Variants in CLCN3 observed in about 807,000 individuals in gnomAD.
The protein encoded by CLCN3 is Cl-/H+ antiporter 3.
In CLCN3, 16 loss-of-function variants were observed where a neutral mutation model predicts 83.4. That is an observed-to-expected ratio of 0.19 (90% CI 0.13 to 0.29). CLCN3 has a LOEUF of 0.29. Ranked by LOEUF, CLCN3 falls within the 10% of genes least tolerant of loss-of-function variation. The pLI is 1.00. For synonymous variants in CLCN3, 322 were observed against 346.2 expected, an observed-to-expected ratio of 0.93 and a Z score of 0.78; for missense variants, 544 against 1,006.0, an observed-to-expected ratio of 0.54 and a Z score of 6.21.
intron 1 of CLCN3, among the ~76,000 whole-genome samples, chr4:169,631,282 CT>C (rs1467952137): frequency 1.3e-5 from 2 of 151,776 alleles, no homozygotes; most frequent in African/African-American, 4.9e-5. Flanking sequence ...TCCTTGCCTA[CT>C]TTTTTTGTTT....
chr4:169,715,687 A>G (rs1474600547), intron 12 of CLCN3, among the ~76,000 whole-genome samples: 1 of 152,164 alleles, frequency 6.6e-6, no homozygotes, highest in African/African-American at 2.4e-5. Context: ...AGAATAGATG[A>G]AAGGGAAAGA....
chr4:169,708,009 T>A (rs1412694490), intron 11 of CLCN3, among the ~76,000 whole-genome samples: 2 of 152,174 alleles, frequency 1.3e-5, no homozygotes, highest in Non-Finnish European at 1.5e-5. Context: ...GACACAATCT[T>A]ATATCTCTTC....
chr4:169,671,652 A>G (rs1382684069), intron 2 of CLCN3, among the ~76,000 whole-genome samples: 1 of 152,202 alleles, frequency 6.6e-6, no homozygotes, highest in African/African-American at 2.4e-5. Flanking sequence ...TCAGAAGCCT[A>G]CATTTGAAAC....
At chr4:169,677,305 T>A (rs1269661064) in intron 2 of CLCN3, among the ~76,000 whole-genome samples, 2 of 152,170 alleles carry the variant, frequency 1.3e-5, no homozygotes, top group African/African-American at 4.8e-5. Flanking sequence ...ATTGGCAAAC[T>A]ATGAGCCATG....
intron 2 of CLCN3, among the ~76,000 whole-genome samples, chr4:169,653,162 A>C (rs1275932455): frequency 6.6e-6 from 1 of 152,110 alleles, no homozygotes; most frequent in Non-Finnish European, 1.5e-5. Flanking sequence ...TGATGTTATG[A>C]AGACATTTTT....
At position 169,722,264 on chromosome 4, in the gene CLCN3, G is replaced by A. The variant is rs1581304398; in HGVS notation, c.*2267G>A. 1 of 152,324 alleles carries A rather than the reference G, an allele frequency of 6.6e-6. No individual in the cohort carries two copies. The highest frequency in any genetic ancestry group is 2.4e-5 in the African/African-American group (1 of 41,580). 9.4% of individuals were successfully genotyped at this position (152,324 alleles called of 1,614,324 possible). A position where few individuals can be genotyped will look rare whatever the true frequency, so the allele number is the denominator to read the frequency against. ...TAAGATCATGAAGCCATATAAGAAT[G>A]AGGATTGAAAGTTGAGCAAAATTTT... On this transcript the variant is annotated 3_prime_UTR_variant, in exon 13 of 13. Coordinates refer to ENST00000513761, the MANE Select transcript of CLCN3 (RefSeq NM_001829.4).
intron 2 of CLCN3, among the ~76,000 whole-genome samples, chr4:169,647,883 G>A (rs1385274474): frequency 6.6e-6 from 1 of 152,156 alleles, no homozygotes; most frequent in Non-Finnish European, 1.5e-5. Flanking sequence ...TAGCCAAATA[G>A]TGAACATTAA....
chr4:169,689,285 C>T, intron 5 of CLCN3, 55 bp downstream of exon 5: 1 of 1,455,750 alleles, frequency 6.9e-7, no homozygotes, highest in Non-Finnish European at 9.5e-7. Flanking sequence ...AAAATGTTTC[C>T]AATTCATTTA....
chr4:169,686,335 AAAAG>A (rs1732156761), intron 3 of CLCN3, among the ~76,000 whole-genome samples: 1 of 152,088 alleles, frequency 6.6e-6, no homozygotes, highest in African/African-American at 2.4e-5. Context: ...TAAAAAAAAA[AAAAG>A]AAATAGACTG....
intron 9 of CLCN3, among the ~76,000 whole-genome samples, chr4:169,701,081 C>G (rs1732768025): frequency 6.6e-6 from 1 of 152,200 alleles, no homozygotes; most frequent in Non-Finnish European, 1.5e-5. Flanking sequence ...ATTTTACCTA[C>G]AGTAGACCTT....
chr4:169,627,595 T>A (rs1221787204), intron 1 of CLCN3, among the ~76,000 whole-genome samples: 1 of 152,042 alleles, frequency 6.6e-6, no homozygotes, highest in Non-Finnish European at 1.5e-5. Flanking sequence ...AATAAATGAC[T>A]CCAAAAACTA....
chr4:169,660,337 T>C, intron 2 of CLCN3: 1 of 1,380,550 alleles, frequency 7.2e-7, no homozygotes, highest in Non-Finnish European at 9.3e-7. Context: ...CTTTTTCTTT[T>C]TCTTTTTCTT....
chr4:169,642,274 T>G (rs1356142626), intron 2 of CLCN3, among the ~76,000 whole-genome samples: 2 of 152,074 alleles, frequency 1.3e-5, no homozygotes, highest in Non-Finnish European at 2.9e-5. Flanking sequence ...AATTTGCCTC[T>G]AAACTTCATA....
intron 2 of CLCN3, among the ~76,000 whole-genome samples, chr4:169,639,120 C>T (rs1030795840): frequency 5.3e-5 from 8 of 152,158 alleles, no homozygotes; most frequent in African/African-American, 1.9e-4. Context: ...GCCTTTACCT[C>T]CTGGGCTCAA....
intron 2 of CLCN3, among the ~76,000 whole-genome samples, chr4:169,674,758 C>CT (rs969905121): frequency 3.0e-4 from 45 of 148,996 alleles, no homozygotes; most frequent in East Asian, 9.8e-4. Context: ...CCAAGGTACA[C>CT]TTTTTTTTTT....
chr4:169,639,093 A>C (rs1426720411), intron 2 of CLCN3, among the ~76,000 whole-genome samples: 1 of 152,152 alleles, frequency 6.6e-6, no homozygotes, highest in African/African-American at 2.4e-5. Context: ...GCGGTGGTAC[A>C]ATGATGGCTA....
chr4:169,689,804 G>C (rs569291875), intron 5 of CLCN3, among the ~76,000 whole-genome samples: 1 of 152,008 alleles, frequency 6.6e-6, no homozygotes, highest in Non-Finnish European at 1.5e-5. Context: ...ATACATTTGC[G>C]GTAAGATGAG....
chr4:169,679,339 G>A (rs1478294737), intron 2 of CLCN3, among the ~76,000 whole-genome samples: 2 of 147,226 alleles, frequency 1.4e-5, no homozygotes, highest in Admixed American at 6.8e-5. Context: ...GGATGGCGGC[G>A]GGGAAGAGGC....
At chr4:169,704,553 A>C (rs1732918327) in intron 10 of CLCN3, among the ~76,000 whole-genome samples, 1 of 152,226 alleles carries the variant, frequency 6.6e-6, no homozygotes, top group Non-Finnish European at 1.5e-5. Flanking sequence ...ATAATACCTA[A>C]GATTAGCATT....
Sources: gnomAD v4.1 joint callset for allele counts (sites outside exome capture counted in the v4.1 genomes callset) on GRCh38, gnomAD v4.1.1 for gene constraint, MANE v1.5 for transcripts, NCBI Gene and HGNC (gene_info 2026-07-23, HGNC 2026-07-21) for gene names.